PLEKHO1: variants seen among roughly 807,000 people sequenced by gnomAD.
The protein encoded by PLEKHO1 is pleckstrin homology domain-containing family O member 1.
A neutral mutation model predicts 41.4 loss-of-function variants in PLEKHO1; 22 were observed. The observed-to-expected ratio is 0.53, with a 90% CI of 0.38 to 0.76. The LOEUF (loss-of-function observed/expected upper bound fraction) is 0.76. Ranked by LOEUF, PLEKHO1 falls within the 30% of genes least tolerant of loss-of-function variation. The pLI is 0.00. For missense variants in PLEKHO1, 488 were observed against 518.3 expected (o/e 0.94, Z 0.57); for synonymous variants, 225 against 210.8 (o/e 1.07, Z -0.58).
chr1:150,154,143 ACT>A (rs1226434264), intron 2 of PLEKHO1: 66 of 152,080 alleles, frequency 4.3e-4, no homozygotes, highest in African/African-American at 1.6e-3. Context: ...TAGTAAGTTA[ACT>A]CTCTTCCCCT....
chr1:150,150,750 G>GA (rs1463170734), intron 1 of PLEKHO1, 162 bp from the exon 2 acceptor site: 3 of 620,656 alleles, frequency 4.8e-6, no homozygotes, highest in Admixed American at 3.0e-5. Context: ...TCCTCGGAGT[G>GA]AAAACCTTTC....
intron 2 of PLEKHO1, chr1:150,152,904 C>T (rs1660011576): frequency 6.6e-6 from 1 of 152,054 alleles, no homozygotes; most frequent in African/African-American, 2.4e-5. Flanking sequence ...GTAGTTGATC[C>T]TTGCTTTTAG....
intron 1 of PLEKHO1, 48 bp from the exon 2 acceptor site, chr1:150,150,864 C>A: frequency 6.3e-7 from 1 of 1,579,508 alleles, no homozygotes; most frequent in Non-Finnish European, 8.7e-7. Context: ...AGAGGAAGCG[C>A]CGGCTGGAAT....
In PLEKHO1 at chr1:150,151,076, C is replaced by G. The variant is rs1559958398; in HGVS notation, c.177+18C>G. 3 of 1,613,458 alleles carry G rather than the reference C, an allele frequency of 1.9e-6. No homozygotes were observed. Among genetic ancestry groups the G allele is most frequent in the Non-Finnish European group, 2.5e-6 (3 of 1,179,520 alleles). The stretch of plus-strand genomic sequence containing the variant: ...AGAAGGAGGTGGGTGCCTCTTGCCT[C>G]TAACTCTCCGTTTTCTCATAGCCCC... On this transcript the variant is annotated intron_variant, in intron 2 of 5. Transcript: ENST00000369124.
chr1:150,150,202 G>T lies in PLEKHO1; in HGVS notation c.-56G>T. ...GAAGGAGCCCCCGCGGTGCCGCCGA[G>T]GCCCCGACGCGGGGCCGCCCCTCGG... On this transcript the variant is annotated 5_prime_UTR_variant, in exon 1 of 6. The change creates a new upstream start codon in the 5' untranslated region. Coordinates refer to ENST00000369124, the MANE Select transcript of PLEKHO1 (RefSeq NM_016274.6). 1 of 933,298 alleles carries T rather than the reference G, an allele frequency of 1.1e-6. No homozygotes were observed. Among genetic ancestry groups the T allele is most frequent in the Non-Finnish European group, 1.3e-6 (1 of 774,900 alleles). 57.8% of individuals were successfully genotyped at this position (933,298 alleles called of 1,614,324 possible). A position where few individuals can be genotyped will look rare whatever the true frequency, so the allele number is the denominator to read the frequency against.
At chr1:150,158,178 G>T (rs1396836693) in intron 5 of PLEKHO1, among the ~76,000 whole-genome samples, 1 of 152,192 alleles carries the variant, frequency 6.6e-6, no homozygotes, top group Non-Finnish European at 1.5e-5. Flanking sequence ...AGATGGAGGA[G>T]GACAGTCGTG....
At chr1:150,151,135 A>T in intron 2 of PLEKHO1, 77 bp downstream of exon 2, 1 of 1,532,526 alleles carries the variant, frequency 6.5e-7, no homozygotes, top group South Asian at 1.1e-5. Flanking sequence ...CGCCTAGCTT[A>T]CTCCACCCCC....
intron 2 of PLEKHO1, 28 bp downstream of exon 2, chr1:150,151,086 G>C: frequency 1.2e-6 from 2 of 1,612,442 alleles, no homozygotes; most frequent in East Asian, 4.5e-5. Flanking sequence ...CTAACTCTCC[G>C]TTTTCTCATA....
Position 150,159,013 on chromosome 1 carries a change from C to G in PLEKHO1, c.720C>G (p.Leu240=). Reference sequence around the variant, plus strand: ...CCTCCGCAGACCGGGCAAGCAGTCTCTCCCGACCTTGGGAAAAAACAGACA... The same window carrying G: ...CCTCCGCAGACCGGGCAAGCAGTCTGTCCCGACCTTGGGAAAAAACAGACA... The part of the protein sequence containing the change: ...IQPSADRASS[L]SRPWEKTDKG... The change falls in exon 6 of 6, where the codon CTC becomes CTG. Residue 240 remains leucine (L), a synonymous_variant. Coordinates refer to ENST00000369124, the MANE Select transcript of PLEKHO1 (RefSeq NM_016274.6). 6.2e-7 allele frequency: 1 copy of G among 1,614,164 alleles called. No homozygotes were observed. The highest frequency in any genetic ancestry group is 8.5e-7 in the Non-Finnish European group (1 of 1,180,000).
chr1:150,159,455 C>A lies in PLEKHO1; in HGVS notation c.1162C>A (p.Leu388Met), dbSNP rs899032365. 3.1e-6 allele frequency: 5 copies of A among 1,614,064 alleles called. No homozygotes were observed. The highest frequency in any genetic ancestry group is 4.2e-6 in the Non-Finnish European group (5 of 1,179,994). The part of the protein sequence containing the change: ...ELRDLYRQMD[L>M]QTPDSHLRQT... The stretch of plus-strand genomic sequence containing the variant: ...GAGAGACCTGTACAGACAGATGGAC[C>A]TGCAGACCCCGGACTCCCACCTCAG... The change falls in exon 6 of 6, where the codon CTG (leucine) becomes ATG (methionine). Residue 388 changes from leucine to methionine, a missense_variant. Physicochemically the swap from Leu to Met is conservative, Grantham distance 15 (BLOSUM62 2). Transcript: ENST00000369124.
chr1:150,154,742 T>C (rs1322002442), intron 2 of PLEKHO1: 13 of 152,204 alleles, frequency 8.5e-5, no homozygotes, highest in African/African-American at 2.4e-4. Flanking sequence ...TTTATCTGTT[T>C]GTTTAGTTTT....
At chr1:150,157,277 C>A in intron 4 of PLEKHO1, 108 bp from the exon 5 acceptor site, 1 of 861,196 alleles carries the variant, frequency 1.2e-6, no homozygotes, top group Non-Finnish European at 1.9e-6. Flanking sequence ...AATCCCCTTG[C>A]CCATTCAGAA....
Position 150,156,958 on chromosome 1 carries a change from G to A in PLEKHO1, c.366G>A (p.Ser122=), listed in dbSNP as rs1553820539. The A allele has an allele frequency of 4.3e-6, 7 of 1,613,758 alleles. No individual in the cohort carries two copies. The highest frequency in any genetic ancestry group is 2.2e-5 in the East Asian group (1 of 44,878). ...FLAVSPEEKE[S]WINALNSAIT... is the part of the protein sequence containing the mutation. Reference sequence around the variant, plus strand: ...CAGTGAGTCCAGAAGAGAAGGAATCGTGGATCAATGCCCTCAACTCTGCCA... The same window carrying A: ...CAGTGAGTCCAGAAGAGAAGGAATCATGGATCAATGCCCTCAACTCTGCCA... Residue 122 remains serine, a synonymous_variant, in exon 4 of 6, where the codon TCG becomes TCA. Transcript: ENST00000369124.
chr1:150,151,901 T>G (rs1414591448), intron 2 of PLEKHO1, among the ~76,000 whole-genome samples: 1 of 152,120 alleles, frequency 6.6e-6, no homozygotes, highest in Non-Finnish European at 1.5e-5. Context: ...GCCCCTACAG[T>G]GGTTAGAAGT....
intron 1 of PLEKHO1, 182 bp from the exon 2 acceptor site, chr1:150,150,730 C>T (rs879982103): frequency 2.4e-5 from 14 of 571,932 alleles, no homozygotes; most frequent in Non-Finnish European, 4.3e-5. Flanking sequence ...GGGAGGGGAG[C>T]GGGGGGAGTT....
chr1:150,150,774 A>G (rs1460264656), intron 1 of PLEKHO1, 138 bp from the exon 2 acceptor site: 1 of 703,518 alleles, frequency 1.4e-6, no homozygotes, highest in African/African-American at 1.8e-5. Flanking sequence ...AGTGGGAGCG[A>G]ACCTGGGGCG....
In PLEKHO1 at chr1:150,150,245, G is replaced by C; in HGVS notation, c.-13G>C. ...CCCCTCGGCTCGCCGCCCCGCGCCC[G>C]CGCCCGCTGGGAATGATGAAGAAGA... is the stretch of plus-strand genomic sequence containing the variant. On this transcript the variant is annotated 5_prime_UTR_variant, in exon 1 of 6. Transcript: ENST00000369124. 1 of 1,081,948 alleles carries C rather than the reference G, an allele frequency of 9.2e-7. No individual in the cohort carries two copies. 67.0% of individuals were successfully genotyped at this position (1,081,948 alleles called of 1,614,324 possible).
chr1:150,159,292 G>A lies in PLEKHO1; in HGVS notation c.999G>A (p.Lys333=). ...LAEVQGLGDG[K]RKAKDPPRSP... ...AGGTTCAGGGACTGGGAGATGGGAA[G>A]CGAAAGGCCAAGGACCCCCCTCGGT... Residue 333 remains lysine (K), a synonymous_variant, in exon 6 of 6, where the codon AAG becomes AAA. Transcript: ENST00000369124. The A allele has an allele frequency of 6.2e-7, 1 of 1,614,180 alleles. No individual in the cohort carries two copies. The highest frequency in any genetic ancestry group is 1.1e-5 in the South Asian group (1 of 91,072).
Position 150,150,994 on chromosome 1 carries a change from G to A in PLEKHO1, c.113G>A (p.Arg38Lys). The A allele has an allele frequency of 6.2e-7, 1 of 1,614,158 alleles. No homozygotes were observed. Among genetic ancestry groups the A allele is most frequent in the Non-Finnish European group, 8.5e-7 (1 of 1,180,002 alleles). ...AAATTCTGCGGGAAAGGGATTTTCA[G>A]GGAGATTTGGAAAAACCGCTATGTG... The part of the protein sequence containing the change: ...VRKFCGKGIF[R>K]EIWKNRYVVL... The change falls in exon 2 of 6, where the codon AGG becomes AAG. Residue 38 changes from arginine to lysine, a missense_variant. Physicochemically the swap from Arg to Lys is conservative, Grantham distance 26. Transcript: ENST00000369124.
Sources: allele counts gnomAD v4.1 joint callset (sites outside exome capture counted in the v4.1 genomes callset), GRCh38; gene constraint gnomAD v4.1.1; transcripts MANE v1.5; gene names NCBI Gene and HGNC (gene_info 2026-07-23, HGNC 2026-07-21).